SLC9A1: variants seen among roughly 807,000 people sequenced by gnomAD.
The protein encoded by SLC9A1 is solute carrier family 9 member A1, also known as sodium/hydrogen exchanger 1.
Under a neutral mutation model 67.9 loss-of-function variants are expected in SLC9A1, and 22 were observed. The ratio of observed to expected loss-of-function variants is 0.32; its 90% CI spans 0.23 to 0.46. The LOEUF is 0.46. Ranked by LOEUF, SLC9A1 falls within the 20% of genes least tolerant of loss-of-function variation. The probability of loss-of-function intolerance (pLI) is 1.00; values close to 1 mark genes in which losing one functional copy is unlikely to be tolerated. For missense variants in SLC9A1, 686 were observed against 1,094.8 expected (o/e 0.63, Z 5.27); for synonymous variants, 421 against 471.8 (o/e 0.89, Z 1.40).
At chr1:27,105,300 T>A (rs1182291203) in intron 5 of SLC9A1, among the ~76,000 whole-genome samples, 2 of 152,044 alleles carry the variant, frequency 1.3e-5, no homozygotes, top group Non-Finnish European at 2.9e-5. Context: ...CACTTCTCTC[T>A]CTTTTTCTTT....
chr1:27,103,492 T>C, intron 5 of SLC9A1, 180 bp from the exon 6 acceptor site: 1 of 605,882 alleles, frequency 1.7e-6, no homozygotes, highest in Non-Finnish European at 3.0e-6. Flanking sequence ...GACAGGTCCT[T>C]AAGGCCTGCT....
chr1:27,137,728 G>A lies in SLC9A1; in HGVS notation c.352+16255C>T, dbSNP rs2083428398. ...CAACCCTGGTGTTCAGCAATGCCAC[G>A]CCTCCCACATGACAGGTCTGGTGAC... On this transcript the variant is annotated intron_variant, in intron 1 of 11. Transcript: ENST00000263980. The surrounding 1 kb of genome is among the most constrained non-coding windows in gnomAD (Gnocchi z 4.6). Among the ~76,000 whole-genome samples the A allele has an allele frequency of 6.6e-6, 1 of 152,266 alleles. No homozygotes were observed. The highest frequency in any genetic ancestry group is 6.5e-5 in the Admixed American group (1 of 15,304).
At chr1:27,117,713 A>G (rs1480824242) in intron 1 of SLC9A1, among the ~76,000 whole-genome samples, 3 of 152,162 alleles carry the variant, frequency 2.0e-5, no homozygotes, top group Admixed American at 6.6e-5. Context: ...TGGGATAGGT[A>G]TTGCCTCCAT....
intron 1 of SLC9A1, among the ~76,000 whole-genome samples, chr1:27,130,979 C>A (rs1442789831): frequency 6.6e-6 from 1 of 152,216 alleles, no homozygotes; most frequent in Non-Finnish European, 1.5e-5. Context: ...ATAGAAGTGC[C>A]CCATGCCCAG....
chr1:27,101,371 T>C lies in SLC9A1; in HGVS notation c.2038-96A>G. On this transcript the variant is annotated intron_variant, in intron 10 of 11. Transcript: ENST00000263980. The surrounding 1 kb of genome is among the most constrained non-coding windows in gnomAD (Gnocchi z 4.9). The stretch of plus-strand genomic sequence containing the variant: ...CAGTGCACACCCCACCTTTCGTATA[T>C]GCAGGGCGCTTGCTCCCCCTCCCTT... 1.1e-6 allele frequency: 1 copy of C among 930,752 alleles called. No homozygotes were observed. The allele number at this position is 930,752 out of a possible 1,614,324, so 57.7% of individuals were successfully genotyped here.
At chr1:27,102,600 G>A in intron 7 of SLC9A1, 42 bp from the exon 8 acceptor site, 1 of 1,611,634 alleles carries the variant, frequency 6.2e-7, no homozygotes. Flanking sequence ...CAGCTTCCAG[G>A]AGTGGGGAGA....
rs1307028352 is a variant in SLC9A1 at position 27,106,050 on chromosome 1, A to G, written c.1320T>C (p.Arg440=). 2 of 1,613,498 alleles carry G rather than the reference A, an allele frequency of 1.2e-6. No individual in the cohort carries two copies. Among genetic ancestry groups the G allele is most frequent in the Non-Finnish European group, 1.7e-6 (2 of 1,179,966 alleles). Residue 440 remains arginine, a synonymous_variant, in exon 5 of 12, where the codon CGT becomes CGC. Transcript: ENST00000263980. This position sits in a 1 kb window ranked among gnomAD's most constrained non-coding sequence, Gnocchi z 4.3. ...GGTCCTTGGGGGTCAGCTTCACGAT[A>G]CGGAACTTGTTGATGAACCAGGTCA... ...LGLTWFINKF[R]IVKLTPKDQF... is the part of the protein sequence containing the mutation.
At chr1:27,125,732 CTA>C (rs1226015583) in intron 1 of SLC9A1, among the ~76,000 whole-genome samples, 1 of 152,102 alleles carries the variant, frequency 6.6e-6, no homozygotes, top group Non-Finnish European at 1.5e-5. Flanking sequence ...GTAGCTGGGA[CTA>C]TAGGCGTATG....
chr1:27,111,338 G>C (rs2083226488), intron 2 of SLC9A1, among the ~76,000 whole-genome samples: 1 of 152,198 alleles, frequency 6.6e-6, no homozygotes, highest in Non-Finnish European at 1.5e-5. Flanking sequence ...GAGAAACAGA[G>C]TAACACAGTG....
chr1:27,136,063 G>A (rs1480249041), intron 1 of SLC9A1, among the ~76,000 whole-genome samples: 5 of 152,170 alleles, frequency 3.3e-5, no homozygotes, highest in African/African-American at 1.2e-4. Flanking sequence ...GCCCCTGACT[G>A]CCCAGAAGGA....
In SLC9A1 at chr1:27,154,226, G is replaced by A. The variant is rs1161942451; in HGVS notation, c.109C>T (p.Leu37Phe). ...GLLPVLRSHG[L>F]QLSPTASTIR... is the part of the protein sequence containing the mutation. ...GTGCTGGCAGTTGGGCTGAGCTGGA[G>A]GCCATGGCTCCTGAGAACAGGCAGC... is the stretch of plus-strand genomic sequence containing the variant. The change falls in exon 1 of 12, where the codon CTC becomes TTC. Residue 37 changes from leucine to phenylalanine, a missense_variant. By Grantham distance (22) the Leu-to-Phe change is conservative (BLOSUM62 0). Coordinates refer to ENST00000263980, the MANE Select transcript of SLC9A1 (RefSeq NM_003047.5). 2 of 1,614,020 alleles carry A rather than the reference G, an allele frequency of 1.2e-6. No homozygotes were observed. The highest frequency in any genetic ancestry group is 1.7e-6 in the Non-Finnish European group (2 of 1,180,006).
At chr1:27,126,628 G>A (rs2083346056) in intron 1 of SLC9A1, among the ~76,000 whole-genome samples, 1 of 152,064 alleles carries the variant, frequency 6.6e-6, no homozygotes, top group Non-Finnish European at 1.5e-5. Context: ...TCCCCCTCCA[G>A]ACCACAAGCA....
In SLC9A1 at chr1:27,109,483, G is replaced by GCCCCCC; in HGVS notation, c.1064+43_1064+44insGGGGGG. 1 of 1,388,132 alleles carries GCCCCCC rather than the reference G, an allele frequency of 7.2e-7. No homozygotes were observed. The highest frequency in any genetic ancestry group is 1.8e-5 in the Admixed American group (1 of 55,590). 86.0% of individuals were successfully genotyped at this position (1,388,132 alleles called of 1,614,324 possible). On this transcript the variant is annotated intron_variant, in intron 3 of 11. Coordinates refer to ENST00000263980, the MANE Select transcript of SLC9A1 (RefSeq NM_003047.5). The surrounding 1 kb of genome is among the most constrained non-coding windows in gnomAD (Gnocchi z 5.5). ...TGGGGAATCCAAGCTGGCAGCCCCC[G>GCCCCCC]CCCCCACCCCGCCAAGCCCACTGCC...
rs1309855858 is a variant in SLC9A1, at chr1:27,102,057, G to A, written c.1894C>T (p.Arg632Cys). ...TGCAAGTTGTTCCTCAGGATTTTGCGGATCTCCTCCTCCTTGTCCTTGGAC... is the reference window on the plus strand; with the variant it reads ...TGCAAGTTGTTCCTCAGGATTTTGCAGATCTCCTCCTCCTTGTCCTTGGAC... ...ALSKDKEEEIRKILRNNLQKT... is the reference protein window; with the variant it reads ...ALSKDKEEEICKILRNNLQKT... The change falls in exon 9 of 12, where the codon CGC becomes TGC. Residue 632 changes from arginine (R) to cysteine (C), a missense_variant. Around this residue, in one of 7 missense-constraint regions of SLC9A1, gnomAD observed 226 missense variants for 282.4 expected, o/e 0.80. Transcript: ENST00000263980. 6 of 1,614,012 alleles carry A rather than the reference G, an allele frequency of 3.7e-6. No homozygotes were observed. The highest frequency in any genetic ancestry group is 5.1e-6 in the Non-Finnish European group (6 of 1,179,950).
chr1:27,102,888 C>A, intron 6 of SLC9A1, 145 bp from the exon 7 acceptor site: 1 of 721,118 alleles, frequency 1.4e-6, no homozygotes, highest in Non-Finnish European at 2.4e-6. Context: ...GTGGCGCCCA[C>A]ACTCCACTCA....
In SLC9A1 at chr1:27,107,840, G is replaced by A. The variant is rs570850908; in HGVS notation, c.1090C>T (p.Arg364Cys). ...MALIASGVVM[R>C]PYVEANISHK... Reference sequence around the variant, plus strand: ...GAGATGTTGGCCTCCACATAGGGGCGCATCACCACTCCTGAGGCTATGAGC... The same window carrying A: ...GAGATGTTGGCCTCCACATAGGGGCACATCACCACTCCTGAGGCTATGAGC... Residue 364 changes from arginine to cysteine, a missense_variant, in exon 4 of 12, where the codon CGC becomes TGC. Around this residue, in one of 7 missense-constraint regions of SLC9A1, gnomAD observed 168 missense variants for 375.4 expected, o/e 0.45. Coordinates refer to ENST00000263980, the MANE Select transcript of SLC9A1 (RefSeq NM_003047.5). The A allele has an allele frequency of 2.2e-5, 35 of 1,605,156 alleles. No homozygotes were observed. Among genetic ancestry groups the A allele is most frequent in the African/African-American group, 2.7e-5 (2 of 74,994 alleles).
rs2083159910 is a variant in SLC9A1, at chr1:27,103,152, T to G, written c.1575+71A>C. On this transcript the variant is annotated intron_variant, in intron 6 of 11. Transcript: ENST00000263980. ...GAAGGGGCTGATGGGGGGCAGAGACTTGAGGCCCAGCTGCTCCCTATCTCC... is the reference window on the plus strand; with the variant it reads ...GAAGGGGCTGATGGGGGGCAGAGACGTGAGGCCCAGCTGCTCCCTATCTCC... 5.2e-6 allele frequency: 6 copies of G among 1,160,190 alleles called. No homozygotes were observed. The South Asian group carries it at 7.4e-5, about 14-fold the overall frequency. 71.9% of individuals were successfully genotyped at this position (1,160,190 alleles called of 1,614,324 possible). A position where few individuals can be genotyped will look rare whatever the true frequency, so the allele number is the denominator to read the frequency against.
At position 27,133,765 on chromosome 1, in the gene SLC9A1, AT is replaced by A. The variant is rs996909009; in HGVS notation, c.353-19480del. Among the ~76,000 whole-genome samples, 1,129 of 138,242 alleles carry A rather than the reference AT, an allele frequency of 8.2e-3. 1 individual carries two copies. The highest frequency in any genetic ancestry group is 0.018 in the Middle Eastern group (5 of 274). 90.7% of individuals were successfully genotyped at this position (138,242 alleles called of 152,430 possible). A position where few individuals can be genotyped will look rare whatever the true frequency, so the allele number is the denominator to read the frequency against. ...GGAGAGAAGAACTGGAGCCCTGGTA[AT>A]TTTTTTTTTTTTTTTTGGGACAGAA... is the stretch of plus-strand genomic sequence containing the variant. On this transcript the variant is annotated intron_variant, in intron 1 of 11. Coordinates refer to ENST00000263980, the MANE Select transcript of SLC9A1 (RefSeq NM_003047.5).
chr1:27,116,566 T>C (rs1157593448), intron 1 of SLC9A1, among the ~76,000 whole-genome samples: 2 of 152,208 alleles, frequency 1.3e-5, no homozygotes, highest in East Asian at 1.9e-4. Flanking sequence ...AAAAGTCACT[T>C]TTTGTTCATC....
Sources: allele counts gnomAD v4.1 joint callset (sites outside exome capture counted in the v4.1 genomes callset), GRCh38; gene constraint gnomAD v4.1.1; regional missense constraint gnomAD v4.1.1; non-coding constraint Gnocchi (gnomAD v3.1); transcripts MANE v1.5; gene names NCBI Gene and HGNC (gene_info 2026-07-23, HGNC 2026-07-21).